Variants in EYS observed in about 807,000 individuals in gnomAD.
EYS encodes the protein protein eyes shut homolog.
In EYS, 250 loss-of-function variants were observed where a neutral mutation model predicts 282.1. The ratio of observed to expected loss-of-function variants is 0.89; its 90% CI spans 0.80 to 0.98. The LOEUF is 0.98. Among genes scored for constraint, EYS ranks in the 50% least tolerant of loss-of-function variants. The pLI is 0.00. For synonymous variants in EYS, 1,355 were observed against 1,282.9 expected (o/e 1.06, Z -1.20); for missense variants, 4,016 against 3,709.0 (o/e 1.08, Z -2.15).
chr6:65,603,380 G>T (rs141221977), intron 2 of EYS, among the ~76,000 whole-genome samples: 1 of 152,056 alleles, frequency 6.6e-6, no homozygotes, highest in East Asian at 1.9e-4. Flanking sequence ...ATGGTCATTT[G>T]TCAATTGGGA....
intron 40 of EYS, among the ~76,000 whole-genome samples, chr6:63,765,030 T>C (rs1371463018): frequency 6.6e-6 from 1 of 151,172 alleles, no homozygotes; most frequent in African/African-American, 2.5e-5. Context: ...CTTAACCACA[T>C]ATACTACTCT....
At chr6:65,178,927 A>G (rs1469486322) in intron 12 of EYS, among the ~76,000 whole-genome samples, 6 of 152,126 alleles carry the variant, frequency 3.9e-5, no homozygotes, top group African/African-American at 1.4e-4. Context: ...CCGCTCAACT[A>G]CATGGAAACT....
chr6:65,027,420 TGGTTGA>T (rs1489821917), intron 13 of EYS, among the ~76,000 whole-genome samples: 1 of 152,232 alleles, frequency 6.6e-6, no homozygotes, highest in African/African-American at 2.4e-5. Flanking sequence ...TCCTACATCC[TGGTTGA>T]TGTTTTTAAT....
chr6:64,622,886 G>A (rs1767493549), intron 23 of EYS, among the ~76,000 whole-genome samples: 1 of 152,156 alleles, frequency 6.6e-6, no homozygotes, highest in Admixed American at 6.6e-5. Flanking sequence ...AAGTGGACAT[G>A]TGTAAATGAA....
Position 64,639,760 on chromosome 6 carries a change from C to A in EYS, c.3444-13515G>T, listed in dbSNP as rs1485144657. On this transcript the variant is annotated intron_variant, in intron 22 of 42. Transcript: ENST00000503581. The stretch of plus-strand genomic sequence containing the variant: ...AGCTTCTGCACAGGAAAGGAAACTA[C>A]CATCAGAGTGAACAGGCAACCTACA... 3.3e-5 allele frequency among the ~76,000 whole-genome samples: 3 copies of A among 91,098 alleles called. 1 individual carries two copies. The highest frequency in any genetic ancestry group is 7.1e-5 in the Non-Finnish European group (3 of 42,288). The allele number at this position is 91,098 out of a possible 152,430, so 59.8% of individuals were successfully genotyped here.
intron 10 of EYS, among the ~76,000 whole-genome samples, chr6:65,338,148 C>A (rs539531304): frequency 6.6e-5 from 10 of 151,240 alleles, no homozygotes; most frequent in Middle Eastern, 3.4e-3. Context: ...TTTTATGCTG[C>A]AGTTATGTAC....
intron 22 of EYS, among the ~76,000 whole-genome samples, chr6:64,649,567 T>A (rs1490530937): frequency 6.6e-6 from 1 of 152,160 alleles, no homozygotes; most frequent in Non-Finnish European, 1.5e-5. Context: ...CTTCAACTCC[T>A]AACCTCATGT....
intron 22 of EYS, among the ~76,000 whole-genome samples, chr6:64,672,509 T>C (rs373526666): frequency 1.1e-4 from 16 of 152,284 alleles, no homozygotes; most frequent in African/African-American, 3.8e-4. Context: ...ATAAAAGAAA[T>C]AGCAGAGAGA....
chr6:64,886,510 T>A (rs1767090810), intron 19 of EYS, among the ~76,000 whole-genome samples, 187 bp downstream of exon 19: 1 of 152,064 alleles, frequency 6.6e-6, no homozygotes. Flanking sequence ...TAGGATTTAA[T>A]AAATTGAAGA....
At chr6:64,656,137 G>T (rs1739317632) in intron 22 of EYS, among the ~76,000 whole-genome samples, 1 of 152,066 alleles carries the variant, frequency 6.6e-6, no homozygotes, top group Admixed American at 6.6e-5. Context: ...GAGCACCATG[G>T]ACAAGATCTT....
At chr6:65,493,654 G>T in intron 4 of EYS, among the ~76,000 whole-genome samples, 1 of 152,152 alleles carries the variant, frequency 6.6e-6, no homozygotes, top group African/African-American at 2.4e-5. Flanking sequence ...CAAACTTCAC[G>T]TTAGCCTCAG....
chr6:65,340,380 C>G (rs775985521), intron 10 of EYS, among the ~76,000 whole-genome samples: 11 of 151,028 alleles, frequency 7.3e-5, no homozygotes, highest in Non-Finnish European at 1.3e-4. Context: ...AAAATTAAAA[C>G]AACACTCTTG....
At chr6:65,111,942 A>G (rs979746965) in intron 12 of EYS, among the ~76,000 whole-genome samples, 1 of 151,992 alleles carries the variant, frequency 6.6e-6, no homozygotes, top group African/African-American at 2.4e-5. Context: ...CTCCCAGAAA[A>G]CCTTACTCAC....
chr6:65,008,041 T>C (rs1181901836), intron 13 of EYS, among the ~76,000 whole-genome samples: 2 of 152,130 alleles, frequency 1.3e-5, no homozygotes, highest in Non-Finnish European at 1.5e-5. Context: ...AAAAGAATGA[T>C]TCCCCACAGG....
At chr6:63,917,244 T>G (rs1581973858) in intron 35 of EYS, among the ~76,000 whole-genome samples, 1 of 152,226 alleles carries the variant, frequency 6.6e-6, no homozygotes, top group African/African-American at 2.4e-5. Flanking sequence ...GAAGGTCAGT[T>G]GTTGGTCTGG....
intron 30 of EYS, among the ~76,000 whole-genome samples, chr6:64,278,345 T>A (rs1481549326): frequency 6.6e-6 from 1 of 152,150 alleles, no homozygotes; most frequent in Non-Finnish European, 1.5e-5. Context: ...CTAATCACAT[T>A]TTTAGAAGCT....
intron 12 of EYS, among the ~76,000 whole-genome samples, chr6:65,193,211 T>G (rs891542535): frequency 6.6e-6 from 1 of 151,884 alleles, no homozygotes; most frequent in African/African-American, 2.4e-5. Flanking sequence ...TTATTCTATT[T>G]TGCAGATGAG....
At chr6:65,618,656 A>T (rs1323866800) in intron 2 of EYS, among the ~76,000 whole-genome samples, 2 of 152,274 alleles carry the variant, frequency 1.3e-5, no homozygotes, top group African/African-American at 4.8e-5. Context: ...GGTAATGCCT[A>T]GGTTTTCTTC....
chr6:63,862,395 G>C (rs769614451), intron 36 of EYS, among the ~76,000 whole-genome samples: 1 of 151,534 alleles, frequency 6.6e-6, no homozygotes, highest in East Asian at 1.9e-4. Flanking sequence ...AAATTCTTCC[G>C]GATGGGTGCA....
Sources: gnomAD v4.1 joint callset for allele counts (sites outside exome capture counted in the v4.1 genomes callset) on GRCh38, gnomAD v4.1.1 for gene constraint, MANE v1.5 for transcripts, NCBI Gene and HGNC (gene_info 2026-07-23, HGNC 2026-07-21) for gene names.